The following ADGRV1 variants were observed in gnomAD, a reference collection of about 807,000 sequenced individuals.
ADGRV1 encodes G-protein coupled receptor 98.
A neutral mutation model predicts 596.2 loss-of-function variants in ADGRV1; 359 were observed. That is an observed-to-expected ratio of 0.60 (90% CI 0.55 to 0.66). ADGRV1 has a LOEUF of 0.66. Among genes scored for constraint, ADGRV1 ranks in the 30% least tolerant of loss-of-function variants. The pLI, the probability that ADGRV1 is intolerant of heterozygous loss-of-function variation, is 0.00. For synonymous variants in ADGRV1, 2,681 were observed against 2,679.2 expected (o/e 1.00, Z -0.02); for missense variants, 7,274 against 7,575.6 (o/e 0.96, Z 1.48).
At chr5:90,765,400 A>G (rs1265582738) in intron 59 of ADGRV1, among the ~76,000 whole-genome samples, 1 of 151,410 alleles carries the variant, frequency 6.6e-6, no homozygotes. Context: ...TTGGAAATCC[A>G]TATGCATGAT....
At chr5:91,065,381 C>T (rs1208630527) in intron 85 of ADGRV1, among the ~76,000 whole-genome samples, 2 of 152,242 alleles carry the variant, frequency 1.3e-5, no homozygotes, top group African/African-American at 2.4e-5. Context: ...CCTTTCACTA[C>T]CTGGGTCCTT....
At chr5:90,633,062 T>A (rs969388720) in intron 9 of ADGRV1, among the ~76,000 whole-genome samples, 1 of 152,210 alleles carries the variant, frequency 6.6e-6, no homozygotes, top group Non-Finnish European at 1.5e-5. Context: ...CTCAGCTAAA[T>A]ACGTTAGTCT....
chr5:91,128,462 C>T (rs10514345), intron 87 of ADGRV1, among the ~76,000 whole-genome samples: 27,481 of 152,038 alleles, frequency 0.18, 3,379 homozygotes, highest in African/African-American at 0.35. Context: ...AGGTGCTATG[C>T]GTTTAACCTC....
At chr5:90,727,785 G>A (rs1016259250) in intron 48 of ADGRV1, among the ~76,000 whole-genome samples, 5 of 152,118 alleles carry the variant, frequency 3.3e-5, no homozygotes, top group African/African-American at 9.7e-5. Flanking sequence ...TACCTCTCCA[G>A]CCTTAACTCT....
intron 32 of ADGRV1, 103 bp downstream of exon 32, chr5:90,692,889 C>A: frequency 4.9e-6 from 4 of 815,800 alleles, no homozygotes; most frequent in Non-Finnish European, 7.4e-6. Flanking sequence ...GTGGTTTTTT[C>A]TATGCCATAA....
intron 50 of ADGRV1, among the ~76,000 whole-genome samples, chr5:90,731,496 G>C (rs77190532): frequency 0.014 from 2,188 of 152,314 alleles, 43 homozygotes; most frequent in African/African-American, 0.05. Context: ...GAGTGATTAA[G>C]AGAGACAAGA....
rs1378933120 is a variant in ADGRV1, at chr5:90,848,791, C to A, written c.17174C>A (p.Thr5725Asn). Residue 5725 changes from threonine to asparagine, a missense_variant, in exon 79 of 90, where the codon ACT (threonine) becomes AAT (asparagine). Physicochemically the swap from Thr to Asn is moderately conservative, Grantham distance 65. Transcript: ENST00000405460. ...VTENFAFSLL[T>N]NVTCGSPGEK... ...GAGAATTTTGCCTTTTCTCTGCTGA[C>A]TAATGTTACTTGCGGCTCTCCTGGT... 2 of 1,586,162 alleles carry A rather than the reference C, an allele frequency of 1.3e-6. No homozygotes were observed. The highest frequency in any genetic ancestry group is 4.7e-5 in the East Asian group (2 of 42,924).
Position 90,777,968 on chromosome 5 carries a change from C to T in ADGRV1, c.12591C>T (p.Ser4197=), listed in dbSNP as rs764416978. 1.7e-5 allele frequency: 27 copies of T among 1,610,748 alleles called. No individual in the cohort carries two copies. Among genetic ancestry groups the T allele is most frequent in the Middle Eastern group, 1.7e-4 (1 of 6,052 alleles). Residue 4197 remains serine, a synonymous_variant, in exon 62 of 90, where the codon TCC becomes TCT. Coordinates refer to ENST00000405460, the MANE Select transcript of ADGRV1 (RefSeq NM_032119.4). ...VTVFWRIFPP[S]VGEFAETSGK... is the part of the protein sequence containing the mutation. ...TGTTCTGGAGGATATTCCCTCCTTC[C>T]GTGGGGGAATTTGCTGAAACATCAG... is the stretch of plus-strand genomic sequence containing the variant.
At chr5:91,054,102 T>TGTGTGAGAGAGAGAGAGAGA (rs1299621929) in intron 85 of ADGRV1, among the ~76,000 whole-genome samples, 8 of 126,734 alleles carry the variant, frequency 6.3e-5, no homozygotes, top group African/African-American at 2.2e-4. Context: ...TGTGTGTGTG[T>TGTGTGAGAGAGAGAGAGAGA]GAGAGAGAGA....
At chr5:90,968,973 C>T (rs550070932) in intron 84 of ADGRV1, among the ~76,000 whole-genome samples, 1 of 152,154 alleles carries the variant, frequency 6.6e-6, no homozygotes, top group African/African-American at 2.4e-5. Context: ...ATCTGCGTAT[C>T]TTCAGTCTTA....
At position 90,711,270 on chromosome 5, in the gene ADGRV1, A is replaced by G; in HGVS notation, c.8990A>G (p.Tyr2997Cys). 2 of 1,613,114 alleles carry G rather than the reference A, an allele frequency of 1.2e-6. No homozygotes were observed. The highest frequency in any genetic ancestry group is 1.7e-6 in the Non-Finnish European group (2 of 1,179,356). The part of the protein sequence containing the change: ...EPLGHVSLFV[Y>C]AQNLEAQVGL... ...CTTGGCCATGTTTCCTTATTTGTGT[A>G]TGCTCAGAATTTGGAAGCACAAGTG... is the stretch of plus-strand genomic sequence containing the variant. Residue 2997 changes from tyrosine to cysteine, a missense_variant, in exon 41 of 90, where the codon TAT becomes TGT. Coordinates refer to ENST00000405460, the MANE Select transcript of ADGRV1 (RefSeq NM_032119.4).
At chr5:90,928,461 G>C (rs572765976) in intron 83 of ADGRV1, among the ~76,000 whole-genome samples, 3 of 150,178 alleles carry the variant, frequency 2.0e-5, no homozygotes, top group Non-Finnish European at 4.4e-5. Context: ...CGTAGTTCTC[G>C]AGCCTTGGTT....
chr5:90,822,610 G>A (rs1453242757), intron 75 of ADGRV1, among the ~76,000 whole-genome samples: 7 of 152,134 alleles, frequency 4.6e-5, no homozygotes, highest in South Asian at 2.1e-4. Context: ...TCGGCGATGC[G>A]GGCTCTTTTT....
intron 5 of ADGRV1, among the ~76,000 whole-genome samples, chr5:90,624,222 G>A (rs1764455413): frequency 6.6e-6 from 1 of 152,162 alleles, no homozygotes. Context: ...TAAATATGCA[G>A]TAGTCTTGCA....
At chr5:90,849,319 T>C (rs1766242963) in intron 79 of ADGRV1, among the ~76,000 whole-genome samples, 1 of 152,172 alleles carries the variant, frequency 6.6e-6, no homozygotes, top group South Asian at 2.1e-4. Flanking sequence ...ATTAACTACA[T>C]AATTAATTTT....
chr5:90,679,327 A>G (rs1002586294), intron 25 of ADGRV1, among the ~76,000 whole-genome samples: 4 of 152,236 alleles, frequency 2.6e-5, no homozygotes, highest in East Asian at 3.8e-4. Flanking sequence ...TACAGTCTAC[A>G]TGGAGTATTT....
intron 85 of ADGRV1, among the ~76,000 whole-genome samples, chr5:91,028,818 A>T (rs1479994702): frequency 5.6e-5 from 8 of 143,132 alleles, no homozygotes; most frequent in Non-Finnish European, 4.5e-5. Flanking sequence ...GTCTCAGTGC[A>T]GCCTTGAACT....
chr5:90,748,916 A>G (rs74322213), intron 52 of ADGRV1, among the ~76,000 whole-genome samples: 2,699 of 151,392 alleles, frequency 0.018, 90 homozygotes, highest in African/African-American at 0.062. Context: ...CCTGGCACAC[A>G]TTAGGGGCTT....
At chr5:91,107,438 TGTTTTTGTTTTTG>T (rs1791989946) in intron 87 of ADGRV1, among the ~76,000 whole-genome samples, 1 of 147,230 alleles carries the variant, frequency 6.8e-6, no homozygotes, top group Non-Finnish European at 1.5e-5. Context: ...TTTTTGTTTT[TGTTTTTGTTTTTG>T]TTTTTGTTTT....
Sources: gnomAD v4.1 joint callset for allele counts (sites outside exome capture counted in the v4.1 genomes callset) on GRCh38, gnomAD v4.1.1 for gene constraint, MANE v1.5 for transcripts, NCBI Gene and HGNC (gene_info 2026-07-23, HGNC 2026-07-21) for gene names.